PIK3CB: variants seen among roughly 807,000 people sequenced by gnomAD.
The protein encoded by PIK3CB is phosphatidylinositol-4,5-bisphosphate 3-kinase catalytic subunit beta.
PIK3CB carries 39 observed loss-of-function variants against 136.8 expected under a neutral mutation model. That is an observed-to-expected ratio of 0.29 (90% CI 0.22 to 0.37). The LOEUF is 0.37. Ranked by LOEUF, PIK3CB falls within the 10% of genes least tolerant of loss-of-function variation. The probability of loss-of-function intolerance (pLI) is 1.00; values close to 1 mark genes in which losing one functional copy is unlikely to be tolerated. For synonymous variants in PIK3CB, 428 were observed against 436.6 expected, an observed-to-expected ratio of 0.98 and a Z score of 0.25; for missense variants, 868 against 1,275.4, an observed-to-expected ratio of 0.68 and a Z score of 4.87.
rs34550458 is a variant in PIK3CB at position 138,765,679 on chromosome 3, CA to C, written c.-16-6321del. Among the ~76,000 whole-genome samples the C allele has an allele frequency of 6.7e-3, 804 of 119,194 alleles. 5 individuals carry two copies. Among genetic ancestry groups the C allele is most frequent in the Non-Finnish European group, 8.8e-3 (514 of 58,302 alleles). The allele number at this position is 119,194 out of a possible 152,430, so 78.2% of individuals were successfully genotyped here. On this transcript the variant is annotated intron_variant, in intron 2 of 23. Coordinates refer to ENST00000674063, the MANE Select transcript of PIK3CB (RefSeq NM_006219.3). ...ACAACATGGCAAAACCCCCTCTCTT[CA>C]AAAAAAAAAAAAAAAAATTAGCTGT...
chr3:138,830,418 A>G (rs1417036118), intron 1 of PIK3CB, among the ~76,000 whole-genome samples: 1 of 151,974 alleles, frequency 6.6e-6, no homozygotes, highest in Non-Finnish European at 1.5e-5. Flanking sequence ...CAGGCGTGGT[A>G]GCGCACGCCT....
At chr3:138,815,162 AAT>A (rs1553743710) in intron 1 of PIK3CB, among the ~76,000 whole-genome samples, 2,635 of 62,426 alleles carry the variant, frequency 0.042, 153 homozygotes, top group Middle Eastern at 0.074. Context: ...AAAAAAAAAA[AAT>A]ATATATATAT....
chr3:138,676,758 T>C (rs1039183839), intron 19 of PIK3CB, among the ~76,000 whole-genome samples: 1 of 152,170 alleles, frequency 6.6e-6, no homozygotes, highest in African/African-American at 2.4e-5. Flanking sequence ...AGGCCCCATA[T>C]TGTGTTTCCA....
At chr3:138,680,767 A>C (rs1297532987) in intron 19 of PIK3CB, among the ~76,000 whole-genome samples, 1 of 151,840 alleles carries the variant, frequency 6.6e-6, no homozygotes, top group Non-Finnish European at 1.5e-5. Context: ...CGCTCACCGC[A>C]ACTTCCGCCT....
intron 19 of PIK3CB, among the ~76,000 whole-genome samples, chr3:138,672,929 AAGAG>A (rs778144963): frequency 8.0e-4 from 114 of 143,230 alleles, no homozygotes; most frequent in Non-Finnish European, 1.2e-3. Context: ...AAAAAAAAAA[AAGAG>A]AGAGAGAGAA....
chr3:138,784,032 G>C (rs184764561), intron 2 of PIK3CB, among the ~76,000 whole-genome samples: 2 of 152,134 alleles, frequency 1.3e-5, no homozygotes, highest in Non-Finnish European at 2.9e-5. Context: ...AGAATAAACT[G>C]ATTTAACCTC....
chr3:138,663,007 T>C (rs1458152364), intron 21 of PIK3CB, among the ~76,000 whole-genome samples: 1 of 152,134 alleles, frequency 6.6e-6, no homozygotes, highest in Non-Finnish European at 1.5e-5. Context: ...GGGCAAGGAC[T>C]TCATGTCTAA....
chr3:138,784,307 G>A (rs547297583), intron 2 of PIK3CB, among the ~76,000 whole-genome samples: 16 of 152,240 alleles, frequency 1.1e-4, no homozygotes, highest in Admixed American at 7.8e-4. Context: ...ACTTGAACCC[G>A]GGAAGCAGAG....
intron 2 of PIK3CB, among the ~76,000 whole-genome samples, chr3:138,782,797 C>T (rs1293131995): frequency 6.6e-6 from 1 of 152,128 alleles, no homozygotes; most frequent in Non-Finnish European, 1.5e-5. Flanking sequence ...AACCACCTAC[C>T]AAAGAGGGCC....
At chr3:138,833,456 T>C (rs1001249522) in intron 1 of PIK3CB, among the ~76,000 whole-genome samples, 2 of 152,318 alleles carry the variant, frequency 1.3e-5, no homozygotes, top group African/African-American at 4.8e-5. Context: ...TACATTATTA[T>C]GACTTAAACA....
intron 16 of PIK3CB, among the ~76,000 whole-genome samples, chr3:138,686,296 A>C (rs1019001892): frequency 6.6e-6 from 1 of 151,830 alleles, no homozygotes; most frequent in African/African-American, 2.4e-5. Flanking sequence ...AAAATTAGCC[A>C]AGCGTGGTGG....
intron 19 of PIK3CB, among the ~76,000 whole-genome samples, chr3:138,675,435 A>C (rs2043624438): frequency 6.6e-6 from 1 of 152,172 alleles, no homozygotes; most frequent in Admixed American, 6.5e-5. Context: ...AAATTTTATG[A>C]AAAACAATAA....
At chr3:138,712,062 T>G (rs1316141296) in intron 10 of PIK3CB, 146 bp downstream of exon 10, 7 of 410,360 alleles carry the variant, frequency 1.7e-5, no homozygotes, top group South Asian at 5.7e-5. Context: ...ATTAAAATAA[T>G]TTGTGTAAAT....
chr3:138,676,870 G>C (rs1033516262), intron 19 of PIK3CB, among the ~76,000 whole-genome samples: 1 of 152,092 alleles, frequency 6.6e-6, no homozygotes, highest in African/African-American at 2.4e-5. Context: ...AACAGCTAAG[G>C]AGTGCAGGGT....
At chr3:138,717,993 C>A (rs1390175021) in intron 8 of PIK3CB, among the ~76,000 whole-genome samples, 1 of 152,196 alleles carries the variant, frequency 6.6e-6, no homozygotes, top group Non-Finnish European at 1.5e-5. Flanking sequence ...CTGCAATGAA[C>A]ATTCGCATGC....
chr3:138,731,846 G>T (rs1158065263), intron 8 of PIK3CB, among the ~76,000 whole-genome samples: 6 of 151,812 alleles, frequency 4.0e-5, no homozygotes, highest in Non-Finnish European at 8.8e-5. Context: ...AGCCAGGTGT[G>T]GTGGCGTGTG....
At position 138,693,962 on chromosome 3, in the gene PIK3CB, TATATTATATATATA is replaced by T. The variant is rs1387046494; in HGVS notation, c.1892+810_1892+823del. On this transcript the variant is annotated intron_variant, in intron 14 of 23. Coordinates refer to ENST00000674063, the MANE Select transcript of PIK3CB (RefSeq NM_006219.3). ...ATATATATATATATATATATATATA[TATATTATATATATA>T]TATATATATATATATATTTTAAACC... is the stretch of plus-strand genomic sequence containing the variant. Among the ~76,000 whole-genome samples the T allele has an allele frequency of 6.0e-3, 213 of 35,260 alleles. 2 individuals carry two copies. The highest frequency in any genetic ancestry group is 0.034 in the African/African-American group (200 of 5,916). The allele number at this position is 35,260 out of a possible 152,430, so 23.1% of individuals were successfully genotyped here. A position where few individuals can be genotyped will look rare whatever the true frequency, so the allele number is the denominator to read the frequency against.
rs562479700 is a variant in PIK3CB at position 138,727,334 on chromosome 3, G to C, written c.1050+6027C>G. ...CTTTAAGGAGGGCAGAGAATCCTCA[G>C]TGAGACTGACTTATTTGTTGAACCC... On this transcript the variant is annotated intron_variant, in intron 8 of 23. Transcript: ENST00000674063. Among the ~76,000 whole-genome samples, 9 of 152,358 alleles carry C rather than the reference G, an allele frequency of 5.9e-5. No individual in the cohort carries two copies. The East Asian group carries it at 1.7e-3, about 29-fold the overall frequency.
chr3:138,793,154 A>T (rs2046071702), intron 2 of PIK3CB, among the ~76,000 whole-genome samples: 1 of 152,230 alleles, frequency 6.6e-6, no homozygotes, highest in Admixed American at 6.5e-5. Flanking sequence ...TCGTGGAGCT[A>T]ATCACTGGAG....
Sources: allele counts gnomAD v4.1 joint callset (sites outside exome capture counted in the v4.1 genomes callset), GRCh38; gene constraint gnomAD v4.1.1; transcripts MANE v1.5; gene names NCBI Gene and HGNC (gene_info 2026-07-23, HGNC 2026-07-21).